Variants in CAB39 observed in about 807,000 individuals in gnomAD.
CAB39 encodes the protein calcium binding protein 39.
In CAB39, 8 loss-of-function variants were observed where a neutral mutation model predicts 40.0. The observed-to-expected ratio is 0.20, with a 90% CI of 0.12 to 0.36. The LOEUF (loss-of-function observed/expected upper bound fraction) is 0.36, where lower values mean the gene tolerates loss of function less well. CAB39 is among the 10% of genes least tolerant of loss of function. The pLI, the probability that CAB39 is intolerant of heterozygous loss-of-function variation, is 1.00. For missense variants in CAB39, 270 were observed against 401.1 expected, an observed-to-expected ratio of 0.67 and a Z score of 2.79; for synonymous variants, 156 against 141.6, an observed-to-expected ratio of 1.10 and a Z score of -0.72.
chr2:230,792,380 A>T (rs183164062), intron 3 of CAB39, among the ~76,000 whole-genome samples: 3 of 152,266 alleles, frequency 2.0e-5, no homozygotes, highest in African/African-American at 7.2e-5. Context: ...AGAGATTGCC[A>T]TTTCTGCTCC....
At chr2:230,717,898 C>T (rs140265531) in intron 1 of CAB39, among the ~76,000 whole-genome samples, 2 of 152,268 alleles carry the variant, frequency 1.3e-5, no homozygotes, top group South Asian at 2.1e-4. Context: ...GGAGGTCATT[C>T]GGGTGTGAAG....
chr2:230,789,274 T>C (rs1409877123), intron 2 of CAB39, among the ~76,000 whole-genome samples: 2 of 152,246 alleles, frequency 1.3e-5, no homozygotes, highest in Admixed American at 6.5e-5. Flanking sequence ...ATGTTAGTGA[T>C]AGATAACTAT....
intron 1 of CAB39, among the ~76,000 whole-genome samples, chr2:230,751,121 A>T (rs527454043): frequency 1.2e-3 from 188 of 152,338 alleles, no homozygotes; most frequent in Non-Finnish European, 1.4e-3. Context: ...TACATTTCAC[A>T]CTCCATGACT....
At chr2:230,744,733 T>C (rs575045243) in intron 1 of CAB39, among the ~76,000 whole-genome samples, 17 of 152,368 alleles carry the variant, frequency 1.1e-4, no homozygotes, top group African/African-American at 3.8e-4. Context: ...GTTTTTGAAA[T>C]CTATAACAAC....
intron 6 of CAB39, 56 bp downstream of exon 6, chr2:230,810,378 A>G: frequency 1.5e-6 from 1 of 660,570 alleles, no homozygotes; most frequent in Non-Finnish European, 2.5e-6. Flanking sequence ...GTTACCAGAA[A>G]TGAAAGACTT....
chr2:230,718,906 G>C (rs1694399387), intron 1 of CAB39, among the ~76,000 whole-genome samples: 1 of 152,072 alleles, frequency 6.6e-6, no homozygotes, highest in South Asian at 2.1e-4. Context: ...CTGGAGCCTG[G>C]TTTTCTTCAT....
At chr2:230,805,137 T>C (rs546024239) in intron 5 of CAB39, among the ~76,000 whole-genome samples, 2 of 152,054 alleles carry the variant, frequency 1.3e-5, no homozygotes, top group South Asian at 4.2e-4. Context: ...CTGAGCAAAC[T>C]GTTGCAAGGA....
chr2:230,758,571 C>G (rs1695235746), intron 1 of CAB39, among the ~76,000 whole-genome samples: 1 of 152,168 alleles, frequency 6.6e-6, no homozygotes, highest in South Asian at 2.1e-4. Flanking sequence ...GTAAGTCACT[C>G]TATTTCAAAC....
chr2:230,791,325 A>G (rs1390560750), intron 3 of CAB39, among the ~76,000 whole-genome samples: 1 of 152,216 alleles, frequency 6.6e-6, no homozygotes, highest in African/African-American at 2.4e-5. Context: ...ACAACTGCTC[A>G]TTAGAGCACT....
intron 1 of CAB39, among the ~76,000 whole-genome samples, chr2:230,746,322 C>T (rs910321960): frequency 1.3e-5 from 2 of 152,064 alleles, no homozygotes; most frequent in East Asian, 3.8e-4. Context: ...GGAAAGTGTT[C>T]GCAGACATTG....
chr2:230,731,199 A>G (rs1366545493), intron 1 of CAB39, among the ~76,000 whole-genome samples: 2 of 152,192 alleles, frequency 1.3e-5, no homozygotes, highest in Non-Finnish European at 2.9e-5. Flanking sequence ...AAGTAAATGT[A>G]AATAAAACAA....
At chr2:230,765,974 A>T (rs1695378832) in intron 2 of CAB39, among the ~76,000 whole-genome samples, 1 of 152,254 alleles carries the variant, frequency 6.6e-6, no homozygotes, top group Admixed American at 6.5e-5. Flanking sequence ...ATTTCTGAAG[A>T]GCAGCCCATG....
At chr2:230,780,970 TA>T (rs1407504750) in intron 2 of CAB39, among the ~76,000 whole-genome samples, 1 of 151,922 alleles carries the variant, frequency 6.6e-6, no homozygotes, top group Non-Finnish European at 1.5e-5. Context: ...TAGTCCCAGC[TA>T]CTCGGGAGGC....
At chr2:230,721,695 T>G (rs1694456455) in intron 1 of CAB39, among the ~76,000 whole-genome samples, 1 of 152,202 alleles carries the variant, frequency 6.6e-6, no homozygotes, top group South Asian at 2.1e-4. Flanking sequence ...GATTTCAACT[T>G]GGGAAAACAC....
intron 1 of CAB39, among the ~76,000 whole-genome samples, chr2:230,758,457 C>A (rs1056474304): frequency 8.5e-5 from 13 of 152,102 alleles, no homozygotes; most frequent in Admixed American, 7.9e-4. Flanking sequence ...TGGAACAGTT[C>A]ACATCAGAAC....
At chr2:230,772,487 GTTT>G (rs35032723) in intron 2 of CAB39, among the ~76,000 whole-genome samples, 2 of 142,664 alleles carry the variant, frequency 1.4e-5, no homozygotes, top group Non-Finnish European at 3.1e-5. Flanking sequence ...AGTTTGGCAG[GTTT>G]TTTTTTTTTT....
chr2:230,763,308 A>C (rs1461216980), intron 2 of CAB39, among the ~76,000 whole-genome samples: 1 of 152,216 alleles, frequency 6.6e-6, no homozygotes. Context: ...ATGTATACTT[A>C]AAGTTGGGAG....
At chr2:230,748,730 C>A (rs1448427683) in intron 1 of CAB39, among the ~76,000 whole-genome samples, 1 of 148,132 alleles carries the variant, frequency 6.8e-6, no homozygotes, top group Non-Finnish European at 1.5e-5. Flanking sequence ...TGGTTTGAAC[C>A]TGGGAGGCAG....
At chr2:230,811,607 A>G (rs1696307595) in intron 6 of CAB39, among the ~76,000 whole-genome samples, 1 of 152,206 alleles carries the variant, frequency 6.6e-6, no homozygotes, top group African/African-American at 2.4e-5. Flanking sequence ...GGACTTCAGC[A>G]ACTGCCTTCA....
Sources: gnomAD v4.1 joint callset for allele counts (sites outside exome capture counted in the v4.1 genomes callset) on GRCh38, gnomAD v4.1.1 for gene constraint, MANE v1.5 for transcripts, NCBI Gene and HGNC (gene_info 2026-07-23, HGNC 2026-07-21) for gene names.